The following PRKN variants were observed in gnomAD, a reference collection of about 807,000 sequenced individuals.
PRKN encodes parkin RBR E3 ubiquitin protein ligase.
Under a neutral mutation model 59.5 loss-of-function variants are expected in PRKN, and 56 were observed. The ratio of observed to expected loss-of-function variants is 0.94; its 90% CI spans 0.76 to 1.18. The LOEUF (loss-of-function observed/expected upper bound fraction) is 1.18. PRKN is among the 50% of genes most tolerant of loss of function. The probability of loss-of-function intolerance (pLI) is 0.00; values close to 1 mark genes in which losing one functional copy is unlikely to be tolerated. For missense variants in PRKN, 657 were observed against 596.4 expected, an observed-to-expected ratio of 1.10 and a Z score of -1.06; for synonymous variants, 250 against 222.1, an observed-to-expected ratio of 1.13 and a Z score of -1.12.
At chr6:162,235,969 G>GAAAGAAAAAGAAAGAAAGAAAGAAAGA (rs1583243000) in intron 3 of PRKN, among the ~76,000 whole-genome samples, 3 of 76,620 alleles carry the variant, frequency 3.9e-5, no homozygotes, top group African/African-American at 1.7e-4. Context: ...AAGAAAGAAA[G>GAAAGAAAAAGAAAGAAAGAAAGAAAGA]AAAGAAAGAA....
chr6:161,523,812 TTTC>T (rs1290105193), intron 9 of PRKN, among the ~76,000 whole-genome samples: 2 of 152,314 alleles, frequency 1.3e-5, no homozygotes, highest in African/African-American at 2.4e-5. Context: ...TGTTACTGTT[TTTC>T]TTCTTCTTTT....
intron 1 of PRKN, among the ~76,000 whole-genome samples, chr6:162,651,338 C>A (rs771779111): frequency 1.5e-4 from 23 of 152,146 alleles, no homozygotes; most frequent in Non-Finnish European, 5.9e-5. Context: ...CACGTGCACA[C>A]CGTAACACAC....
At position 161,354,786 on chromosome 6, in the gene PRKN, A is replaced by G; in HGVS notation, c.1286-4575T>C. ...TTTTAAACAGTTTAGGCCATCGCTAATAAGCTTCAAGTCTCAGCTTTTCTG... is the reference window on the plus strand; with the variant it reads ...TTTTAAACAGTTTAGGCCATCGCTAGTAAGCTTCAAGTCTCAGCTTTTCTG... On this transcript the variant is annotated intron_variant, in intron 11 of 11. Transcript: ENST00000366898. This position sits in a 1 kb window ranked among gnomAD's most constrained non-coding sequence, Gnocchi z 6.7. Among the ~76,000 whole-genome samples, 1 of 152,204 alleles carries G rather than the reference A, an allele frequency of 6.6e-6. No individual in the cohort carries two copies. Among genetic ancestry groups the G allele is most frequent in the East Asian group, 1.9e-4 (1 of 5,194 alleles).
intron 9 of PRKN, among the ~76,000 whole-genome samples, chr6:161,537,095 C>T (rs1779441690): frequency 6.6e-6 from 1 of 151,920 alleles, no homozygotes; most frequent in Non-Finnish European, 1.5e-5. Flanking sequence ...CATGTCTTCA[C>T]ATAAAAGAGT....
chr6:161,519,580 C>T (rs1399710527), intron 9 of PRKN, among the ~76,000 whole-genome samples: 1 of 152,052 alleles, frequency 6.6e-6, no homozygotes, highest in Non-Finnish European at 1.5e-5. Context: ...CAGGAATAGG[C>T]AGGTGTGATG....
chr6:161,594,588 T>A (rs1422392633), intron 7 of PRKN, among the ~76,000 whole-genome samples: 1 of 152,226 alleles, frequency 6.6e-6, no homozygotes, highest in Admixed American at 6.5e-5. Context: ...GAATTTATTA[T>A]CTCATGACAT....
At chr6:161,785,679 G>T in intron 7 of PRKN, 93 bp downstream of exon 7, 2 of 1,173,410 alleles carry the variant, frequency 1.7e-6, no homozygotes, top group East Asian at 2.4e-5. Flanking sequence ...TCTTCTGCTA[G>T]GGTTTACGTA....
chr6:161,474,589 C>T (rs934836143), intron 9 of PRKN, among the ~76,000 whole-genome samples: 1 of 151,782 alleles, frequency 6.6e-6, no homozygotes, highest in Non-Finnish European at 1.5e-5. Flanking sequence ...CAACTATGTT[C>T]ACCATTACTT....
chr6:162,538,538 T>C (rs1778805143), intron 1 of PRKN, among the ~76,000 whole-genome samples: 1 of 152,334 alleles, frequency 6.6e-6, no homozygotes, highest in Non-Finnish European at 1.5e-5. Context: ...TGGTGTGCTA[T>C]GTGGTGCAGA....
At chr6:162,563,718 C>T (rs959837392) in intron 1 of PRKN, among the ~76,000 whole-genome samples, 3 of 152,152 alleles carry the variant, frequency 2.0e-5, no homozygotes, top group African/African-American at 7.2e-5. Context: ...TGTGACCTTT[C>T]AGACAGAGAA....
chr6:161,918,216 T>C (rs1162930519), intron 6 of PRKN, among the ~76,000 whole-genome samples: 1 of 152,156 alleles, frequency 6.6e-6, no homozygotes, highest in African/African-American at 2.4e-5. Flanking sequence ...ATTCACATAT[T>C]TACCATGGAA....
At chr6:161,698,498 A>T (rs1786116293) in intron 7 of PRKN, among the ~76,000 whole-genome samples, 3 of 152,160 alleles carry the variant, frequency 2.0e-5, no homozygotes, top group South Asian at 2.1e-4. Flanking sequence ...AGGGCAAATG[A>T]CTTAGAATAT....
intron 7 of PRKN, among the ~76,000 whole-genome samples, chr6:161,678,216 C>CTTTTTTTTTTTTTTTTTTT (rs3066554): frequency 3.1e-5 from 2 of 64,940 alleles, no homozygotes; most frequent in Admixed American, 2.1e-4. Flanking sequence ...TACTGAATCA[C>CTTTTTTTTTTTTTTTTTTT]TTTTTTTTTT....
chr6:161,591,249 C>T (rs1040733443), intron 7 of PRKN, among the ~76,000 whole-genome samples: 1 of 152,108 alleles, frequency 6.6e-6, no homozygotes, highest in South Asian at 2.1e-4. Context: ...CTTTCTCTTG[C>T]ACCTTTTCTC....
At chr6:162,583,675 T>C (rs146778066) in intron 1 of PRKN, among the ~76,000 whole-genome samples, 71 of 152,254 alleles carry the variant, frequency 4.7e-4, no homozygotes, top group African/African-American at 1.5e-3. Flanking sequence ...TTCTAAAGAG[T>C]TATCCCTCTC....
intron 5 of PRKN, among the ~76,000 whole-genome samples, chr6:162,010,507 T>TCC (rs1164209335): frequency 2.9e-5 from 1 of 34,034 alleles, no homozygotes; most frequent in Non-Finnish European, 4.4e-5. Flanking sequence ...ATATAATATA[T>TCC]TATATTATAT....
intron 7 of PRKN, among the ~76,000 whole-genome samples, chr6:161,585,485 A>G (rs1238350671): frequency 6.6e-6 from 1 of 152,166 alleles, no homozygotes; most frequent in Non-Finnish European, 1.5e-5. Flanking sequence ...AGAAATTAAA[A>G]CCCAAGACTA....
At chr6:161,904,555 T>C (rs1778069897) in intron 6 of PRKN, among the ~76,000 whole-genome samples, 1 of 152,104 alleles carries the variant, frequency 6.6e-6, no homozygotes, top group African/African-American at 2.4e-5. Flanking sequence ...GACCTCATGA[T>C]CTGCCTGCCT....
chr6:162,519,276 G>A (rs1777989989), intron 1 of PRKN, among the ~76,000 whole-genome samples: 1 of 152,192 alleles, frequency 6.6e-6, no homozygotes, highest in South Asian at 2.1e-4. Context: ...GAGTAGGCAT[G>A]CTGTCGGAGT....
Sources: allele counts gnomAD v4.1 joint callset (sites outside exome capture counted in the v4.1 genomes callset), GRCh38; gene constraint gnomAD v4.1.1; non-coding constraint Gnocchi (gnomAD v3.1); transcripts MANE v1.5; gene names NCBI Gene and HGNC (gene_info 2026-07-23, HGNC 2026-07-21).